Variants in EBF2 observed in about 807,000 individuals in gnomAD.
The protein encoded by EBF2 is transcription factor COE2.
EBF2 carries 21 observed loss-of-function variants against 72.8 expected under a neutral mutation model. The ratio of observed to expected loss-of-function variants is 0.29; its 90% confidence interval spans 0.20 to 0.42. The LOEUF is 0.42. Ranked by LOEUF, EBF2 falls within the 10% of genes least tolerant of loss-of-function variation. EBF2 has a pLI of 1.00. For synonymous variants in EBF2, 299 were observed against 274.2 expected (o/e 1.09, Z -0.89); for missense variants, 637 against 731.2 (o/e 0.87, Z 1.49).
At chr8:25,910,542 T>A (rs1803109390) in intron 6 of EBF2, among the ~76,000 whole-genome samples, 1 of 152,198 alleles carries the variant, frequency 6.6e-6, no homozygotes, top group Admixed American at 6.5e-5. Flanking sequence ...AAAACATTAA[T>A]GTTCATGAAG....
intron 6 of EBF2, among the ~76,000 whole-genome samples, chr8:25,996,225 G>A (rs773218314): frequency 1.3e-5 from 2 of 151,240 alleles, no homozygotes; most frequent in Non-Finnish European, 2.9e-5. Flanking sequence ...AGCCCAGGAG[G>A]TGAAGGTTGC....
intron 6 of EBF2, among the ~76,000 whole-genome samples, chr8:26,010,250 C>T (rs1804954899): frequency 1.3e-5 from 2 of 152,186 alleles, no homozygotes; most frequent in Non-Finnish European, 1.5e-5. Context: ...AGAGTGTCTG[C>T]TGTTATTGGT....
At chr8:25,991,461 C>T (rs1362819821) in intron 6 of EBF2, among the ~76,000 whole-genome samples, 1 of 152,192 alleles carries the variant, frequency 6.6e-6, no homozygotes, top group Non-Finnish European at 1.5e-5. Context: ...CACCACAATC[C>T]TGTGAGTTGG....
intron 6 of EBF2, among the ~76,000 whole-genome samples, chr8:25,925,883 T>C (rs1803378079): frequency 6.6e-6 from 1 of 152,168 alleles, no homozygotes; most frequent in East Asian, 1.9e-4. Context: ...GGAATGCTTT[T>C]TAAAGGTCAA....
intron 6 of EBF2, 101 bp downstream of exon 6, chr8:26,032,984 G>T: frequency 2.6e-6 from 3 of 1,176,238 alleles, no homozygotes; most frequent in Non-Finnish European, 3.8e-6. Flanking sequence ...GAAATAACAT[G>T]AAACCAACTT....
At chr8:26,025,645 T>A (rs762070928) in intron 6 of EBF2, among the ~76,000 whole-genome samples, 7 of 152,184 alleles carry the variant, frequency 4.6e-5, no homozygotes, top group Non-Finnish European at 7.4e-5. Context: ...TTTTACCACT[T>A]GGCTCCAGTG....
intron 6 of EBF2, among the ~76,000 whole-genome samples, chr8:25,937,139 T>G (rs1418665220): frequency 6.6e-6 from 1 of 152,184 alleles, no homozygotes; most frequent in East Asian, 1.9e-4. Flanking sequence ...GAATCCACCT[T>G]TGGGAGAAAT....
At chr8:25,868,444 A>G (rs571445560) in intron 10 of EBF2, among the ~76,000 whole-genome samples, 1 of 151,974 alleles carries the variant, frequency 6.6e-6, no homozygotes, top group East Asian at 1.9e-4. Flanking sequence ...AAATATATAT[A>G]CTTTTCTAGT....
chr8:25,909,201 T>C (rs1344929283), intron 6 of EBF2, among the ~76,000 whole-genome samples: 2 of 152,296 alleles, frequency 1.3e-5, no homozygotes, highest in Middle Eastern at 3.4e-3. Context: ...TTAGCATTTG[T>C]CATATATATT....
chr8:25,891,968 C>T (rs868524227), intron 7 of EBF2, among the ~76,000 whole-genome samples: 12 of 152,268 alleles, frequency 7.9e-5, no homozygotes, highest in Admixed American at 5.2e-4. Flanking sequence ...AACAGGATAG[C>T]ATAATGAATC....
chr8:25,964,840 G>A (rs1804089205), intron 6 of EBF2, among the ~76,000 whole-genome samples: 1 of 152,196 alleles, frequency 6.6e-6, no homozygotes, highest in African/African-American at 2.4e-5. Flanking sequence ...TTATCTATAT[G>A]TACCTACACA....
At chr8:25,977,650 G>C (rs1585213924) in intron 6 of EBF2, among the ~76,000 whole-genome samples, 1 of 152,204 alleles carries the variant, frequency 6.6e-6, no homozygotes, top group African/African-American at 2.4e-5. Flanking sequence ...CCCGGACAAG[G>C]AAGTGGTGGT....
chr8:26,005,524 T>TAA (rs1214549258), intron 6 of EBF2, among the ~76,000 whole-genome samples: 10 of 75,586 alleles, frequency 1.3e-4, no homozygotes, highest in African/African-American at 4.9e-4. Flanking sequence ...ATAAAATATA[T>TAA]TATATATTAT....
intron 6 of EBF2, among the ~76,000 whole-genome samples, chr8:25,986,001 C>CAAA (rs59820523): frequency 1.1e-4 from 3 of 28,558 alleles, no homozygotes; most frequent in East Asian, 1.4e-3. Context: ...AACTCTGTCT[C>CAAA]AAAAAAAAAA....
intron 6 of EBF2, among the ~76,000 whole-genome samples, chr8:25,964,045 A>G (rs868107681): frequency 2.0e-5 from 3 of 152,198 alleles, no homozygotes; most frequent in Non-Finnish European, 4.4e-5. Flanking sequence ...CTTTGTATCA[A>G]TAGGATCAAT....
intron 6 of EBF2, among the ~76,000 whole-genome samples, chr8:25,942,176 A>C (rs1050988488): frequency 5.3e-5 from 8 of 152,350 alleles, no homozygotes; most frequent in Middle Eastern, 3.4e-3. Context: ...GGAACATGCA[A>C]TGGTTCTCAC....
At chr8:25,880,876 G>A (rs1361390143) in intron 10 of EBF2, among the ~76,000 whole-genome samples, 2 of 151,996 alleles carry the variant, frequency 1.3e-5, no homozygotes, top group South Asian at 2.1e-4. Context: ...AACTCCCTTA[G>A]CACGTTATAT....
At chr8:25,992,124 G>T (rs944902211) in intron 6 of EBF2, among the ~76,000 whole-genome samples, 1 of 151,592 alleles carries the variant, frequency 6.6e-6, no homozygotes, top group Non-Finnish European at 1.5e-5. Flanking sequence ...TCCACCTCCC[G>T]AGTTCAAGTG....
rs540356313 is a variant in EBF2 at position 25,972,211 on chromosome 8, C to T, written c.551+60874G>A. Among the ~76,000 whole-genome samples, 121 of 152,282 alleles carry T rather than the reference C, an allele frequency of 7.9e-4. 1 individual carries two copies. The South Asian group carries it at 0.02, about 25-fold the overall frequency. On this transcript the variant is annotated intron_variant, in intron 6 of 15. Transcript: ENST00000520164. ...ACGTCAGACAGGCTCTCCCTGACAA[C>T]AGCAATCACGGATCACAAGGTCCCC... is the stretch of plus-strand genomic sequence containing the variant.
Sources: allele counts gnomAD v4.1 joint callset (sites outside exome capture counted in the v4.1 genomes callset), GRCh38; gene constraint gnomAD v4.1.1; transcripts MANE v1.5; gene names NCBI Gene and HGNC (gene_info 2026-07-23, HGNC 2026-07-21).